The following DPP6 variants were observed in gnomAD, a reference collection of about 807,000 sequenced individuals.
DPP6 encodes the protein A-type potassium channel modulatory protein DPP6.
DPP6 carries 69 observed loss-of-function variants against 122.6 expected under a neutral mutation model. The observed-to-expected ratio is 0.56, with a 90% confidence interval of 0.46 to 0.69. DPP6 has a LOEUF of 0.69. Among genes scored for constraint, DPP6 ranks in the 30% least tolerant of loss-of-function variants. The pLI, the probability that DPP6 is intolerant of heterozygous loss-of-function variation, is 0.00. For synonymous variants in DPP6, 418 were observed against 433.1 expected (o/e 0.97, Z 0.43); for missense variants, 928 against 1,116.9 (o/e 0.83, Z 2.41).
chr7:154,441,971 C>A (rs1819415518), intron 1 of DPP6, among the ~76,000 whole-genome samples: 1 of 152,200 alleles, frequency 6.6e-6, no homozygotes, highest in Non-Finnish European at 1.5e-5. Context: ...TAAGTATGAG[C>A]AGCAGTGATG....
At chr7:154,614,930 G>A (rs188477295) in intron 5 of DPP6, among the ~76,000 whole-genome samples, 21 of 152,160 alleles carry the variant, frequency 1.4e-4, no homozygotes, top group Middle Eastern at 3.2e-3. Context: ...TCATGGGACC[G>A]CTGTGAGTTT....
chr7:154,678,271 TG>T (rs1222695387), intron 7 of DPP6, among the ~76,000 whole-genome samples: 1 of 152,196 alleles, frequency 6.6e-6, no homozygotes, highest in Non-Finnish European at 1.5e-5. Context: ...CCCTTCCACG[TG>T]GAAGCTGTGT....
At chr7:154,688,806 G>C (rs1839775760) in intron 7 of DPP6, among the ~76,000 whole-genome samples, 1 of 152,154 alleles carries the variant, frequency 6.6e-6, no homozygotes, top group Non-Finnish European at 1.5e-5. Flanking sequence ...TGACTCAAAT[G>C]TTAATCTCTT....
At chr7:154,198,554 T>A (rs568565034) in intron 1 of DPP6, among the ~76,000 whole-genome samples, 1 of 152,248 alleles carries the variant, frequency 6.6e-6, no homozygotes, top group South Asian at 2.1e-4. Flanking sequence ...CTTCAAATGA[T>A]CTGCCCGCCT....
At chr7:154,700,986 T>G (rs907030109) in intron 7 of DPP6, among the ~76,000 whole-genome samples, 38 of 152,002 alleles carry the variant, frequency 2.5e-4, no homozygotes, top group African/African-American at 8.5e-4. Context: ...CACTTAACCC[T>G]CCACCCTTGC....
intron 1 of DPP6, among the ~76,000 whole-genome samples, chr7:154,191,575 C>T (rs1447584984): frequency 6.6e-6 from 1 of 152,142 alleles, no homozygotes; most frequent in Non-Finnish European, 1.5e-5. Context: ...GATGTGTGTG[C>T]TCAGTGCATA....
intron 1 of DPP6, among the ~76,000 whole-genome samples, chr7:154,315,098 G>A (rs768131695): frequency 1.0e-3 from 154 of 152,184 alleles, no homozygotes; most frequent in Non-Finnish European, 6.8e-4. Context: ...AAAATAATGA[G>A]GATGTTACCG....
intron 1 of DPP6, among the ~76,000 whole-genome samples, chr7:153,924,308 C>T (rs1318592837): frequency 3.9e-5 from 6 of 151,968 alleles, no homozygotes; most frequent in African/African-American, 1.2e-4. Flanking sequence ...GAGGTTTCAC[C>T]ATTTTGGCCA....
At chr7:154,285,587 T>C (rs1329249822) in intron 1 of DPP6, among the ~76,000 whole-genome samples, 1 of 152,196 alleles carries the variant, frequency 6.6e-6, no homozygotes, top group East Asian at 1.9e-4. Flanking sequence ...TATTATATCA[T>C]TTTAGGTTAT....
intron 1 of DPP6, among the ~76,000 whole-genome samples, chr7:154,138,163 C>G (rs1181373178): frequency 6.6e-6 from 1 of 152,306 alleles, no homozygotes; most frequent in East Asian, 1.9e-4. Flanking sequence ...TTCATTTACT[C>G]TCTCAGAAGT....
chr7:153,776,761 A>T, the DPP6 span, among the ~76,000 whole-genome samples: 1 of 152,236 alleles, frequency 6.6e-6, no homozygotes, highest in Non-Finnish European at 1.5e-5. Flanking sequence ...GCCCACCCAT[A>T]GAAATACTAA....
intron 1 of DPP6, among the ~76,000 whole-genome samples, chr7:154,065,599 C>T (rs1413995638): frequency 6.6e-6 from 1 of 151,886 alleles, no homozygotes; most frequent in African/African-American, 2.4e-5. Context: ...CTTAGTACCC[C>T]CGCCCCCGAG....
rs531403531 is a variant in DPP6, at chr7:154,218,619, T to C, written c.243+165556T>C. Among the ~76,000 whole-genome samples the C allele has an allele frequency of 4.6e-5, 7 of 152,320 alleles. No individual in the cohort carries two copies. In the East Asian group the frequency reaches 7.7e-4, roughly 17 times the overall value. On this transcript the variant is annotated intron_variant, in intron 1 of 25. Coordinates refer to ENST00000377770, the MANE Select transcript of DPP6 (RefSeq NM_130797.4). The stretch of plus-strand genomic sequence containing the variant: ...TGGCAGTACAGTAAATTTTAAATTA[T>C]ATAGTCTGCAGCTTTGCACTAAGAC...
chr7:153,913,774 G>A (rs1456124899), intron 1 of DPP6, among the ~76,000 whole-genome samples: 1 of 152,166 alleles, frequency 6.6e-6, no homozygotes, highest in Non-Finnish European at 1.5e-5. Flanking sequence ...ATGCTCCAAA[G>A]CTCTAGAACA....
intron 1 of DPP6, among the ~76,000 whole-genome samples, chr7:154,311,559 T>A (rs949264322): frequency 6.6e-6 from 1 of 152,034 alleles, no homozygotes; most frequent in African/African-American, 2.4e-5. Flanking sequence ...CAATCCTGTT[T>A]GTTGGTGCAA....
At chr7:154,291,568 G>C (rs1197858287) in intron 1 of DPP6, among the ~76,000 whole-genome samples, 1 of 152,142 alleles carries the variant, frequency 6.6e-6, no homozygotes, top group African/African-American at 2.4e-5. Flanking sequence ...CGTCCTCATA[G>C]CCTAGACTCT....
intron 1 of DPP6, among the ~76,000 whole-genome samples, chr7:154,208,428 C>T (rs975969541): frequency 1.3e-5 from 2 of 152,234 alleles, no homozygotes; most frequent in African/African-American, 4.8e-5. Flanking sequence ...GCCAGGGCTT[C>T]GCAAGGCCCA....
At chr7:154,397,966 T>A (rs1815233323) in intron 1 of DPP6, among the ~76,000 whole-genome samples, 1 of 152,220 alleles carries the variant, frequency 6.6e-6, no homozygotes, top group African/African-American at 2.4e-5. Flanking sequence ...AGGTGTTTAT[T>A]CGTGTCAATT....
intron 15 of DPP6, among the ~76,000 whole-genome samples, chr7:154,806,272 A>T (rs1009380312): frequency 2.6e-5 from 4 of 152,214 alleles, no homozygotes; most frequent in African/African-American, 9.6e-5. Flanking sequence ...CTATGGTTAG[A>T]GGGGACCCTC....
Sources: allele counts gnomAD v4.1 joint callset (sites outside exome capture counted in the v4.1 genomes callset), GRCh38; gene constraint gnomAD v4.1.1; transcripts MANE v1.5; gene names NCBI Gene and HGNC (gene_info 2026-07-23, HGNC 2026-07-21).